The following ADGRV1 variants were observed in gnomAD, a reference collection of about 807,000 sequenced individuals.
ADGRV1 encodes adhesion G protein-coupled receptor V1, also known as G-protein coupled receptor 98.
A neutral mutation model predicts 596.2 loss-of-function variants in ADGRV1; 359 were observed. That is an observed-to-expected ratio of 0.60 (90% CI 0.55 to 0.66). ADGRV1 has a LOEUF of 0.66. Ranked by LOEUF, ADGRV1 falls within the 30% of genes least tolerant of loss-of-function variation. ADGRV1 has a pLI of 0.00. For synonymous variants in ADGRV1, 2,681 were observed against 2,679.2 expected (o/e 1.00, Z -0.02); for missense variants, 7,274 against 7,575.6 (o/e 0.96, Z 1.48).
chr5:91,150,009 C>CTTTTTTT (rs35858094), intron 87 of ADGRV1, 21 bp from the exon 88 acceptor site: 10 of 1,288,822 alleles, frequency 7.8e-6, no homozygotes, highest in South Asian at 4.8e-5. Context: ...CTTTTCTTTT[C>CTTTTTTT]TTTTTTTTTT....
chr5:90,800,979 T>G (rs185308286), intron 70 of ADGRV1, among the ~76,000 whole-genome samples: 1 of 152,024 alleles, frequency 6.6e-6, no homozygotes, highest in African/African-American at 2.4e-5. Flanking sequence ...AGGTGACGGG[T>G]TGATGGGTGC....
rs200946170 is a variant in ADGRV1, at chr5:90,745,059, T to C, written c.10563T>C (p.Leu3521=). Residue 3521 remains leucine (L), a synonymous_variant, in exon 51 of 90, where the codon CTT becomes CTC. Coordinates refer to ENST00000405460, the MANE Select transcript of ADGRV1 (RefSeq NM_032119.4). The stretch of plus-strand genomic sequence containing the variant: ...TCCTTCCTGCAGCCCACATACTTCT[T>C]ATTGGCCAAGATATGTCTGCTCTTT... The part of the protein sequence containing the change: ...TPASGIAHIL[L]IGQDMSALYC... The C allele has an allele frequency of 1.2e-4, 198 of 1,613,540 alleles. No individual in the cohort carries two copies. The African/African-American group carries it at 2.4e-3, about 20-fold the overall frequency.
At position 90,706,325 on chromosome 5, in the gene ADGRV1, C is replaced by T. The variant is rs769578947; in HGVS notation, c.8661C>T (p.Val2887=). 6.2e-7 allele frequency: 1 copy of T among 1,613,220 alleles called. No homozygotes were observed. Among genetic ancestry groups the T allele is most frequent in the Admixed American group, 1.7e-5 (1 of 59,956 alleles). Residue 2887 remains valine, a synonymous_variant, in exon 38 of 90, where the codon GTC becomes GTT. Transcript: ENST00000405460. ...GNLAEPEVDF[V]PIIGFLILEE... ...TAGCAGAGCCAGAAGTTGATTTTGT[C>T]CCTATCATTGGCTTTCTGATTTTAG...
chr5:91,128,567 A>G (rs548074518), intron 87 of ADGRV1, among the ~76,000 whole-genome samples: 15 of 152,324 alleles, frequency 9.8e-5, no homozygotes, highest in Non-Finnish European at 2.1e-4. Flanking sequence ...GCTAAGAAAA[A>G]TGAAAGGCTT....
chr5:91,160,912 G>C (rs1050737340), intron 89 of ADGRV1, among the ~76,000 whole-genome samples: 1 of 152,196 alleles, frequency 6.6e-6, no homozygotes, highest in Non-Finnish European at 1.5e-5. Flanking sequence ...CTCAAGACGA[G>C]TCTAGAACTT....
intron 88 of ADGRV1, 24 bp downstream of exon 88, chr5:91,150,245 C>CTT: frequency 6.9e-7 from 1 of 1,441,376 alleles, no homozygotes; most frequent in Non-Finnish European, 9.3e-7. Flanking sequence ...CCCTTTCATT[C>CTT]TCTGTCTCTC....
intron 58 of ADGRV1, chr5:90,759,928 G>T (rs1363335658): frequency 1.3e-5 from 2 of 148,820 alleles, no homozygotes; most frequent in South Asian, 1.2e-4. Flanking sequence ...TCACGCCATT[G>T]CACTCCAGCC....
chr5:90,932,017 T>G (rs1373351253), intron 83 of ADGRV1, among the ~76,000 whole-genome samples: 1 of 152,192 alleles, frequency 6.6e-6, no homozygotes, highest in Non-Finnish European at 1.5e-5. Context: ...CTTTGTTTTA[T>G]TTTCCTTCTC....
chr5:90,819,574 C>T (rs1763262643), intron 75 of ADGRV1, among the ~76,000 whole-genome samples: 1 of 150,828 alleles, frequency 6.6e-6, no homozygotes, highest in Non-Finnish European at 1.5e-5. Context: ...TTTCCCTCTA[C>T]ACACTGCTTT....
At position 90,858,746 on chromosome 5, in the gene ADGRV1, T is replaced by C. The variant is rs79782189; in HGVS notation, c.17755+2845T>C. Among the ~76,000 whole-genome samples, 2,815 of 152,326 alleles carry C rather than the reference T, an allele frequency of 0.018. 127 individuals carry two copies. The East Asian group carries it at 0.19, about 10-fold the overall frequency. ...ATATTTAGTTCCCAGATTAACTAAT[T>C]CAGTGCCTTAATGGTGTTGTCAGCA... is the stretch of plus-strand genomic sequence containing the variant. On this transcript the variant is annotated intron_variant, in intron 82 of 89. Coordinates refer to ENST00000405460, the MANE Select transcript of ADGRV1 (RefSeq NM_032119.4).
In ADGRV1 at chr5:90,817,519, T is replaced by C. The variant is rs879535219; in HGVS notation, c.16196+1783T>C. 2.8e-3 allele frequency among the ~76,000 whole-genome samples: 430 copies of C among 151,652 alleles called. 3 individuals are homozygous for C. Among genetic ancestry groups the C allele is most frequent in the Non-Finnish European group, 4.5e-3 (309 of 67,996 alleles). ...TGTGTCCTGAATGGTAATGCCTAGGTTTTCTTCTAGGGTTTTTATGGTTTT... is the reference window on the plus strand; with the variant it reads ...TGTGTCCTGAATGGTAATGCCTAGGCTTTCTTCTAGGGTTTTTATGGTTTT... On this transcript the variant is annotated intron_variant, in intron 75 of 89. Coordinates refer to ENST00000405460, the MANE Select transcript of ADGRV1 (RefSeq NM_032119.4).
At chr5:90,921,800 T>TG (rs1204429745) in intron 83 of ADGRV1, among the ~76,000 whole-genome samples, 1 of 150,696 alleles carries the variant, frequency 6.6e-6, no homozygotes, top group Non-Finnish European at 1.5e-5. Flanking sequence ...TGTCTTGTTT[T>TG]TTTTTTTTTT....
At chr5:90,616,904 C>G (rs1387089037) in intron 2 of ADGRV1, among the ~76,000 whole-genome samples, 1 of 152,222 alleles carries the variant, frequency 6.6e-6, no homozygotes, top group East Asian at 1.9e-4. Flanking sequence ...CTTCCCTTCT[C>G]AGCCTCTGGT....
At chr5:90,921,796 G>GTTTTTT (rs571601390) in intron 83 of ADGRV1, among the ~76,000 whole-genome samples, 9 of 124,388 alleles carry the variant, frequency 7.2e-5, no homozygotes, top group Non-Finnish European at 8.7e-5. Flanking sequence ...GTTGTGTCTT[G>GTTTTTT]TTTTTTTTTT....
At chr5:91,027,948 C>T (rs1346907311) in intron 85 of ADGRV1, among the ~76,000 whole-genome samples, 1 of 151,856 alleles carries the variant, frequency 6.6e-6, no homozygotes, top group African/African-American at 2.4e-5. Context: ...GAATTTTTTT[C>T]CAAATCAGGA....
chr5:91,131,474 G>A (rs1398321763), intron 87 of ADGRV1, among the ~76,000 whole-genome samples: 1 of 143,308 alleles, frequency 7.0e-6, no homozygotes, highest in East Asian at 2.1e-4. Context: ...GTTTTGAGAT[G>A]GAGTCTCACT....
intron 78 of ADGRV1, among the ~76,000 whole-genome samples, chr5:90,843,270 T>C (rs1383051499): frequency 1.3e-5 from 2 of 152,152 alleles, no homozygotes; most frequent in African/African-American, 4.8e-5. Context: ...AAAACATATT[T>C]GAAATATGGT....
Position 90,637,792 on chromosome 5 carries a change from C to T in ADGRV1, c.2084C>T (p.Ser695Phe). The T allele has an allele frequency of 6.2e-7, 1 of 1,613,600 alleles. No homozygotes were observed. The highest frequency in any genetic ancestry group is 2.2e-5 in the East Asian group (1 of 44,848). Residue 695 changes from serine (S) to phenylalanine (F), a missense_variant, in exon 11 of 90, where the codon TCT becomes TTT. Transcript: ENST00000405460. The part of the protein sequence containing the change: ...QATVYWSLKP[S>F]GFNSKAVTPD... Reference sequence around the variant, plus strand: ...ACTGTCTACTGGAGTTTGAAGCCCTCTGGCTTTAATTCAAAAGCAGTGACC... The same window carrying T: ...ACTGTCTACTGGAGTTTGAAGCCCTTTGGCTTTAATTCAAAAGCAGTGACC...
At position 90,675,303 on chromosome 5, in the gene ADGRV1, C is replaced by T; in HGVS notation, c.5171C>T (p.Ala1724Val). 1 of 1,613,828 alleles carries T rather than the reference C, an allele frequency of 6.2e-7. No homozygotes were observed. Among genetic ancestry groups the T allele is most frequent in the Non-Finnish European group, 8.5e-7 (1 of 1,179,846 alleles). ...PQPKDAMTLPASSVPHITVEE... is the reference protein window; with the variant it reads ...PQPKDAMTLPVSSVPHITVEE... ...CCTAAGGACGCAATGACCCTGCCTG[C>T]AAGCAGCGTTCCACATATCACTGTG... The change falls in exon 24 of 90, where the codon GCA (alanine) becomes GTA (valine). Residue 1724 changes from alanine to valine, a missense_variant. Around this residue, in one of 5 missense-constraint regions of ADGRV1, gnomAD observed 3,643 missense variants for 3,809.2 expected, o/e 0.96. Coordinates refer to ENST00000405460, the MANE Select transcript of ADGRV1 (RefSeq NM_032119.4).
Sources: gnomAD v4.1 joint callset for allele counts (sites outside exome capture counted in the v4.1 genomes callset) on GRCh38, gnomAD v4.1.1 for gene constraint, gnomAD v4.1.1 regional missense constraint, MANE v1.5 for transcripts, NCBI Gene and HGNC (gene_info 2026-07-23, HGNC 2026-07-21) for gene names.